Variants in PWWP2A observed in about 807,000 individuals in gnomAD.
PWWP2A encodes the protein PWWP domain-containing protein 2A.
Under a neutral mutation model 48.5 loss-of-function variants are expected in PWWP2A, and 18 were observed. The observed-to-expected ratio is 0.37, with a 90% CI of 0.26 to 0.55. The LOEUF is 0.55. Ranked by LOEUF, PWWP2A falls within the 20% of genes least tolerant of loss-of-function variation. The probability of loss-of-function intolerance (pLI) is 0.81; values close to 1 mark genes in which losing one functional copy is unlikely to be tolerated. For synonymous variants in PWWP2A, 396 were observed against 387.7 expected, an observed-to-expected ratio of 1.02 and a Z score of -0.25; for missense variants, 867 against 976.4, an observed-to-expected ratio of 0.89 and a Z score of 1.49.
intron 1 of PWWP2A, chr5:160,113,421 T>C (rs1029170322): frequency 1.3e-6 from 1 of 778,378 alleles, no homozygotes; most frequent in African/African-American, 1.9e-5. Flanking sequence ...AAATCCTGTG[T>C]TCTAGACTCA....
At chr5:160,045,372 T>G in the PWWP2A span, among the ~76,000 whole-genome samples, 2 of 151,972 alleles carry the variant, frequency 1.3e-5, no homozygotes, top group Admixed American at 6.6e-5. Context: ...TCATTATGGA[T>G]ACATGCATTG....
In PWWP2A at chr5:160,119,398, A is replaced by C; in HGVS notation, c.-10T>G. The C allele has an allele frequency of 7.4e-7, 1 of 1,358,760 alleles. No individual in the cohort carries two copies. Among genetic ancestry groups the C allele is most frequent in the Non-Finnish European group, 9.4e-7 (1 of 1,062,364 alleles). 84.2% of individuals were successfully genotyped at this position (1,358,760 alleles called of 1,614,324 possible). A position where few individuals can be genotyped will look rare whatever the true frequency, so the allele number is the denominator to read the frequency against. On this transcript the variant is annotated 5_prime_UTR_variant, in exon 1 of 2. Transcript: ENST00000307063. ...CAGCCACGGCCGCCATTTTCTTCCT[A>C]GCTTCTCCCTCCTCCAACTCCGGCT... is the stretch of plus-strand genomic sequence containing the variant.
intron 1 of PWWP2A, among the ~76,000 whole-genome samples, chr5:160,112,536 A>G (rs936920240): frequency 1.3e-5 from 2 of 152,076 alleles, no homozygotes; most frequent in Admixed American, 6.6e-5. Flanking sequence ...ATCCAGTGTT[A>G]AGTAAATACA....
intron 1 of PWWP2A, among the ~76,000 whole-genome samples, chr5:160,096,080 C>T (rs957481408): frequency 1.3e-5 from 2 of 152,116 alleles, no homozygotes; most frequent in Non-Finnish European, 2.9e-5. Flanking sequence ...CAAACCTAAA[C>T]GTGGGCAGGA....
intron 5 of PWWP2A, among the ~76,000 whole-genome samples, chr5:160,062,258 T>G (rs1330758089): frequency 2.0e-5 from 3 of 152,252 alleles, no homozygotes; most frequent in African/African-American, 7.2e-5. Flanking sequence ...ATTTGCAGTC[T>G]TAGCTTGGAA....
intron 4 of PWWP2A, among the ~76,000 whole-genome samples, chr5:160,066,046 T>G (rs536095173): frequency 8.5e-5 from 13 of 152,316 alleles, no homozygotes; most frequent in Admixed American, 7.8e-4. Flanking sequence ...CATGCAGTAG[T>G]CAGTCATACT....
downstream of PWWP2A, among the ~76,000 whole-genome samples, chr5:160,071,195 A>C (rs1753731477): frequency 6.6e-6 from 1 of 152,112 alleles, no homozygotes; most frequent in African/African-American, 2.4e-5. Context: ...AAAGAAAAAG[A>C]GATGTTGCCG....
chr5:160,095,126 A>G (rs1274972057), intron 1 of PWWP2A, among the ~76,000 whole-genome samples: 1 of 150,524 alleles, frequency 6.6e-6, no homozygotes, highest in Non-Finnish European at 1.5e-5. Flanking sequence ...AAATACACAC[A>G]CTTAAGCAAA....
intron 1 of PWWP2A, among the ~76,000 whole-genome samples, chr5:160,098,772 A>G (rs966465285): frequency 6.6e-6 from 1 of 152,216 alleles, no homozygotes; most frequent in Non-Finnish European, 1.5e-5. Flanking sequence ...AATTTCTCCT[A>G]GCCTGACCAA....
At chr5:160,073,555 T>C (rs529825462), downstream of PWWP2A, among the ~76,000 whole-genome samples, 47 of 151,956 alleles carry the variant, frequency 3.1e-4, no homozygotes, top group African/African-American at 1.0e-3. Flanking sequence ...ACCAAGCCAC[T>C]TTCCCTCCTT....
At chr5:160,072,886 C>T (rs1305742406), downstream of PWWP2A, among the ~76,000 whole-genome samples, 2 of 151,418 alleles carry the variant, frequency 1.3e-5, no homozygotes, top group African/African-American at 2.4e-5. Flanking sequence ...TGCCTGTAAT[C>T]CCAGCTACTC....
chr5:160,045,652 T>C, the PWWP2A span, among the ~76,000 whole-genome samples: 9 of 151,796 alleles, frequency 5.9e-5, no homozygotes, highest in Non-Finnish European at 8.8e-5. Context: ...ATCCTTGACA[T>C]AAAGTTTAAG....
intron 1 of PWWP2A, among the ~76,000 whole-genome samples, chr5:160,115,699 A>G (rs928786562): frequency 5.9e-5 from 9 of 151,532 alleles, no homozygotes; most frequent in Non-Finnish European, 1.2e-4. Context: ...TCTCAAAAAA[A>G]GGAAAAAAAA....
chr5:160,062,824 T>G (rs2113424816), intron 5 of PWWP2A, among the ~76,000 whole-genome samples: 1 of 152,098 alleles, frequency 6.6e-6, no homozygotes, highest in East Asian at 1.9e-4. Context: ...TTTTCCCCCT[T>G]CCTGTCCTCT....
chr5:160,094,899 T>C (rs571961806), intron 1 of PWWP2A, among the ~76,000 whole-genome samples: 1 of 151,106 alleles, frequency 6.6e-6, no homozygotes, highest in East Asian at 1.9e-4. Context: ...TACAAAAAGA[T>C]TCGCCGGGCA....
chr5:160,096,379 T>C (rs1042705800), intron 1 of PWWP2A, among the ~76,000 whole-genome samples: 21 of 152,346 alleles, frequency 1.4e-4, no homozygotes, highest in African/African-American at 3.4e-4. Flanking sequence ...AAAGTAACTT[T>C]AAGCATTTAA....
chr5:160,070,210 T>C lies in PWWP2A; in HGVS notation c.*80-3339A>G, dbSNP rs1030686548. Among the ~76,000 whole-genome samples, 6 of 152,184 alleles carry C rather than the reference T, an allele frequency of 3.9e-5. No individual in the cohort carries two copies. In the East Asian group the frequency reaches 1.2e-3, roughly 29 times the overall value. ...AGCTGGGTGCAGTGGCTCACACCTG[T>C]AATCCCAACACTTTGGGAGGCAGAG... On this transcript the variant is annotated intron_variant and NMD_transcript_variant, in intron 2 of 5. Transcript: ENST00000524050.
At chr5:160,060,417 G>A (rs1317127320), downstream of PWWP2A, among the ~76,000 whole-genome samples, 1 of 152,180 alleles carries the variant, frequency 6.6e-6, no homozygotes, top group Non-Finnish European at 1.5e-5. Flanking sequence ...TCTGGTCTAA[G>A]CACGAGTAGT....
chr5:160,051,989 A>C, the PWWP2A span, among the ~76,000 whole-genome samples: 3 of 152,288 alleles, frequency 2.0e-5, no homozygotes, highest in African/African-American at 7.2e-5. Flanking sequence ...TGGCCTTCAG[A>C]CATCAGCATC....
Sources: allele counts gnomAD v4.1 joint callset (sites outside exome capture counted in the v4.1 genomes callset), GRCh38; gene constraint gnomAD v4.1.1; transcripts MANE v1.5; gene names NCBI Gene and HGNC (gene_info 2026-07-23, HGNC 2026-07-21).